HENMT1: variants seen among roughly 807,000 people sequenced by gnomAD.
The protein encoded by HENMT1 is small RNA 2'-O-methyltransferase.
In HENMT1, 27 loss-of-function variants were observed where a neutral mutation model predicts 31.1. The ratio of observed to expected loss-of-function variants is 0.87; its 90% CI spans 0.64 to 1.20. The LOEUF is 1.20. Among genes scored for constraint, HENMT1 ranks in the 50% most tolerant of loss-of-function variants. The pLI, the probability that HENMT1 is intolerant of heterozygous loss-of-function variation, is 0.00. For synonymous variants in HENMT1, 167 were observed against 172.2 expected (o/e 0.97, Z 0.24); for missense variants, 438 against 469.6 (o/e 0.93, Z 0.62).
chr1:108,660,471 G>C (rs567827003), intron 1 of HENMT1, among the ~76,000 whole-genome samples: 8 of 152,036 alleles, frequency 5.3e-5, no homozygotes, highest in South Asian at 2.1e-4. Context: ...ATGAAATTTC[G>C]AGGGGGAAAA....
intron 5 of HENMT1, 192 bp from the exon 6 acceptor site, chr1:108,651,401 T>C (rs952150226): frequency 1.8e-6 from 1 of 548,136 alleles, no homozygotes; most frequent in East Asian, 3.1e-5. Flanking sequence ...TCCCAACACT[T>C]TGGGAGGCCA....
At position 108,656,296 on chromosome 1, in the gene HENMT1, A is replaced by C. The variant is rs530084166; in HGVS notation, c.151-598T>G. On this transcript the variant is annotated intron_variant, in intron 3 of 7. Coordinates refer to ENST00000651461, the MANE Select transcript of HENMT1 (RefSeq NM_001102592.2). ...AACAGTAGTGGTGGAGTTAAGGGAA[A>C]CCTTCACACACAGGAATCTTCACTG... 4.0e-4 allele frequency among the ~76,000 whole-genome samples: 61 copies of C among 152,288 alleles called. No homozygotes were observed. The South Asian group carries it at 7.7e-3, about 19-fold the overall frequency.
chr1:108,652,909 A>G (rs1658102046), intron 5 of HENMT1, among the ~76,000 whole-genome samples: 1 of 150,746 alleles, frequency 6.6e-6, no homozygotes, highest in Admixed American at 6.6e-5. Flanking sequence ...GCGCCATTGC[A>G]CTCCAGCCCA....
At chr1:108,652,760 G>A (rs2100997584) in intron 5 of HENMT1, among the ~76,000 whole-genome samples, 1 of 152,120 alleles carries the variant, frequency 6.6e-6, no homozygotes, top group East Asian at 2.0e-4. Context: ...CTGGCCAATA[G>A]GGTGAAACCC....
At chr1:108,654,925 C>A in intron 4 of HENMT1, 75 bp from the exon 5 acceptor site, 2 of 1,426,154 alleles carry the variant, frequency 1.4e-6, no homozygotes, top group Non-Finnish European at 9.8e-7. Context: ...GAACTCAGAT[C>A]CTCTGATAAT....
chr1:108,654,492 G>C (rs1467767592), intron 5 of HENMT1, among the ~76,000 whole-genome samples: 1 of 152,156 alleles, frequency 6.6e-6, no homozygotes, highest in African/African-American at 2.4e-5. Flanking sequence ...TCTGGATAAA[G>C]GGGGGTATAG....
chr1:108,657,847 T>C (rs1184013901), intron 2 of HENMT1, among the ~76,000 whole-genome samples: 1 of 152,048 alleles, frequency 6.6e-6, no homozygotes, highest in East Asian at 1.9e-4. Context: ...TACCAATGAA[T>C]GTATTCAATG....
chr1:108,650,729 G>T (rs901383045), intron 6 of HENMT1, among the ~76,000 whole-genome samples: 1 of 152,146 alleles, frequency 6.6e-6, no homozygotes, highest in African/African-American at 2.4e-5. Flanking sequence ...GATATCCCGG[G>T]GAGGGGCATG....
intron 6 of HENMT1, 54 bp from the exon 7 acceptor site, chr1:108,650,442 A>G (rs1658016610): frequency 1.4e-6 from 2 of 1,478,606 alleles, no homozygotes; most frequent in South Asian, 2.4e-5. Flanking sequence ...GCTACTGTTA[A>G]ATAAGGAACC....
At position 108,655,575 on chromosome 1, in the gene HENMT1, C is replaced by T; in HGVS notation, c.263+11G>A. 1 of 1,432,886 alleles carries T rather than the reference C, an allele frequency of 7.0e-7. No homozygotes were observed. The highest frequency in any genetic ancestry group is 2.3e-5 in the East Asian group (1 of 43,070). 88.8% of individuals were successfully genotyped at this position (1,432,886 alleles called of 1,614,324 possible). A position where few individuals can be genotyped will look rare whatever the true frequency, so the allele number is the denominator to read the frequency against. On this transcript the variant is annotated intron_variant, in intron 4 of 7. Transcript: ENST00000651461. ...GATTAACGCATAATTCTTTCAGAAA[C>T]TAAGTATTACCCTCTCCATCGTAAT...
intron 3 of HENMT1, 97 bp downstream of exon 3, chr1:108,657,354 G>T: frequency 4.7e-6 from 4 of 845,882 alleles, no homozygotes; most frequent in Admixed American, 4.7e-5. Flanking sequence ...AATAACCCCT[G>T]TGAAAAGTCT....
intron 6 of HENMT1, 82 bp downstream of exon 6, chr1:108,650,948 A>C: frequency 1.1e-6 from 1 of 903,132 alleles, no homozygotes; most frequent in Non-Finnish European, 1.7e-6. Flanking sequence ...CAATTTAGGT[A>C]ATGTATGTAT....
chr1:108,657,769 C>T (rs577439441), intron 2 of HENMT1, among the ~76,000 whole-genome samples, 190 bp from the exon 3 acceptor site: 21 of 152,086 alleles, frequency 1.4e-4, no homozygotes, highest in Non-Finnish European at 2.9e-4. Flanking sequence ...AGCATCCTCT[C>T]ATGCCTTTTA....
intron 5 of HENMT1, 32 bp from the exon 6 acceptor site, chr1:108,651,241 A>AT: frequency 6.4e-7 from 1 of 1,556,562 alleles, no homozygotes; most frequent in Non-Finnish European, 8.8e-7. Context: ...ACATAATAAA[A>AT]TCTAGCTTCA....
intron 7 of HENMT1, 122 bp downstream of exon 7, chr1:108,650,089 G>A (rs1181721452): frequency 3.4e-6 from 3 of 874,358 alleles, no homozygotes; most frequent in East Asian, 2.4e-5. Context: ...AATTCTCCTA[G>A]AGTGAACCAC....
Position 108,650,403 on chromosome 1 carries a change from A to T in HENMT1, c.579-15T>A. 6.2e-7 allele frequency: 1 copy of T among 1,600,894 alleles called. No homozygotes were observed. Among genetic ancestry groups the T allele is most frequent in the East Asian group, 2.2e-5 (1 of 44,772 alleles). ...CATATAAAGCCCTGAAACCAAAACGAGGACAGCAATCATTTTTCTAAATGT... is the reference window on the plus strand; with the variant it reads ...CATATAAAGCCCTGAAACCAAAACGTGGACAGCAATCATTTTTCTAAATGT... On this transcript the variant is annotated splice_polypyrimidine_tract_variant and intron_variant, in intron 6 of 7. Transcript: ENST00000651461.
intron 2 of HENMT1, among the ~76,000 whole-genome samples, chr1:108,658,040 TATATATACAC>T (rs1658306583): frequency 8.2e-6 from 1 of 122,548 alleles, no homozygotes; most frequent in Non-Finnish European, 1.6e-5. Context: ...CACACACACA[TATATATACAC>T]ACACACACAC....
At chr1:108,660,240 G>A (rs1658408379) in intron 1 of HENMT1, among the ~76,000 whole-genome samples, 1 of 151,612 alleles carries the variant, frequency 6.6e-6, no homozygotes, top group Non-Finnish European at 1.5e-5. Flanking sequence ...TTAATCCACA[G>A]AATGTATCCA....
intron 7 of HENMT1, among the ~76,000 whole-genome samples, chr1:108,649,602 C>G (rs1205960882): frequency 2.0e-5 from 3 of 152,120 alleles, no homozygotes; most frequent in African/African-American, 7.2e-5. Flanking sequence ...GGTGACAGAA[C>G]AAGACCCTGT....
Sources: allele counts gnomAD v4.1 joint callset (sites outside exome capture counted in the v4.1 genomes callset), GRCh38; gene constraint gnomAD v4.1.1; transcripts MANE v1.5; gene names NCBI Gene and HGNC (gene_info 2026-07-23, HGNC 2026-07-21).